Variants in PARD3B observed in about 807,000 individuals in gnomAD.
The protein encoded by PARD3B is par-3 family cell polarity regulator beta.
In PARD3B, 103 loss-of-function variants were observed where a neutral mutation model predicts 130.2. The ratio of observed to expected loss-of-function variants is 0.79; its 90% CI spans 0.67 to 0.93. PARD3B has a LOEUF of 0.93. Among genes scored for constraint, PARD3B ranks in the 40% least tolerant of loss-of-function variants. The pLI, the probability that PARD3B is intolerant of heterozygous loss-of-function variation, is 0.00. For missense variants in PARD3B, 1,609 were observed against 1,499.2 expected (o/e 1.07, Z -1.21); for synonymous variants, 583 against 553.2 (o/e 1.05, Z -0.76).
At chr2:204,681,470 A>C in intron 1 of PARD3B, among the ~76,000 whole-genome samples, 1 of 152,170 alleles carries the variant, frequency 6.6e-6, no homozygotes, top group African/African-American at 2.4e-5. Context: ...TTCTTCTACT[A>C]GGCTTTTCTC....
intron 19 of PARD3B, among the ~76,000 whole-genome samples, chr2:205,425,156 T>A (rs1417580319): frequency 1.3e-5 from 2 of 152,182 alleles, no homozygotes; most frequent in Non-Finnish European, 2.9e-5. Flanking sequence ...AGGATTGTTA[T>A]AAAGGAATTA....
At chr2:204,651,848 G>A (rs559971302) in intron 1 of PARD3B, among the ~76,000 whole-genome samples, 2 of 152,286 alleles carry the variant, frequency 1.3e-5, no homozygotes, top group South Asian at 4.1e-4. Flanking sequence ...CACACCCACA[G>A]GCCAAACACC....
At chr2:205,508,425 A>G (rs182714327) in intron 21 of PARD3B, among the ~76,000 whole-genome samples, 1 of 152,102 alleles carries the variant, frequency 6.6e-6, no homozygotes, top group Non-Finnish European at 1.5e-5. Context: ...TACCAAAATT[A>G]TGGGGGTGTG....
intron 2 of PARD3B, among the ~76,000 whole-genome samples, chr2:204,723,023 G>A (rs2039066334): frequency 1.3e-5 from 2 of 152,162 alleles, no homozygotes. Context: ...TCTGGGAGGT[G>A]ATTGGTTGAT....
At chr2:204,960,574 A>C (rs148400378) in intron 2 of PARD3B, among the ~76,000 whole-genome samples, 324 of 152,292 alleles carry the variant, frequency 2.1e-3, no homozygotes, top group African/African-American at 7.5e-3. Flanking sequence ...AAATATTTGA[A>C]TGTTTATTCT....
chr2:205,343,223 A>T (rs1369698100), intron 18 of PARD3B, among the ~76,000 whole-genome samples: 1 of 152,174 alleles, frequency 6.6e-6, no homozygotes, highest in African/African-American at 2.4e-5. Context: ...GTTCCCATCA[A>T]ATATCTCCTA....
At chr2:205,295,957 C>T (rs1467534064) in intron 16 of PARD3B, among the ~76,000 whole-genome samples, 2 of 152,062 alleles carry the variant, frequency 1.3e-5, no homozygotes, top group African/African-American at 4.8e-5. Flanking sequence ...GGAGTTGTTT[C>T]CCTTTTTGAA....
At chr2:204,771,047 GTAAGAATTGTAGA>G (rs2041352097) in intron 2 of PARD3B, among the ~76,000 whole-genome samples, 1 of 152,014 alleles carries the variant, frequency 6.6e-6, no homozygotes, top group Admixed American at 6.6e-5. Context: ...CTGGTGTTAG[GTAAGAATTGTAGA>G]TAAGAATAGC....
intron 4 of PARD3B, among the ~76,000 whole-genome samples, chr2:205,051,636 G>A (rs1261421084): frequency 6.6e-6 from 1 of 152,198 alleles, no homozygotes. Flanking sequence ...GCCCAGAGAT[G>A]TGTGTTTTTC....
At chr2:205,155,469 T>C (rs1377746703) in intron 10 of PARD3B, among the ~76,000 whole-genome samples, 1 of 152,148 alleles carries the variant, frequency 6.6e-6, no homozygotes, top group Non-Finnish European at 1.5e-5. Flanking sequence ...CAGTAATACC[T>C]GGATGCTAAA....
In PARD3B at chr2:205,288,653, A is replaced by G. The variant is rs867950012; in HGVS notation, c.2186-11877A>G. Among the ~76,000 whole-genome samples the G allele has an allele frequency of 7.6e-4, 116 of 151,980 alleles. 5 individuals carry two copies. The Middle Eastern group carries it at 0.014, about 18-fold the overall frequency. On this transcript the variant is annotated intron_variant, in intron 16 of 22. Coordinates refer to ENST00000406610, the MANE Select transcript of PARD3B (RefSeq NM_001302769.2). This position sits in a 1 kb window ranked among gnomAD's most constrained non-coding sequence, Gnocchi z 4.0. Reference sequence around the variant, plus strand: ...TGTTTATTTCCCACCAATCTCTACCACATTGTTTTTTGTTACTAGTCACTC... The same window carrying G: ...TGTTTATTTCCCACCAATCTCTACCGCATTGTTTTTTGTTACTAGTCACTC...
intron 18 of PARD3B, among the ~76,000 whole-genome samples, chr2:205,344,048 G>A (rs943163588): frequency 6.6e-6 from 1 of 152,102 alleles, no homozygotes; most frequent in Admixed American, 6.5e-5. Context: ...TAGGGGGTTA[G>A]GGAAAGAACA....
At chr2:204,605,807 A>C (rs187453070) in intron 1 of PARD3B, among the ~76,000 whole-genome samples, 1 of 152,284 alleles carries the variant, frequency 6.6e-6, no homozygotes, top group East Asian at 1.9e-4. Flanking sequence ...CTGGGACAGT[A>C]ATGGTTGTTT....
intron 2 of PARD3B, among the ~76,000 whole-genome samples, chr2:204,902,526 G>C (rs548266531): frequency 6.6e-6 from 1 of 152,064 alleles, no homozygotes; most frequent in South Asian, 2.1e-4. Context: ...AACATTAGCC[G>C]GGCGTGGTGG....
At chr2:205,359,047 A>G (rs1000347819) in intron 18 of PARD3B, among the ~76,000 whole-genome samples, 1 of 152,204 alleles carries the variant, frequency 6.6e-6, no homozygotes, top group Non-Finnish European at 1.5e-5. Flanking sequence ...TTTTGAAGGT[A>G]GCTCTTGAAA....
chr2:204,607,469 T>C (rs2033766864), intron 1 of PARD3B, among the ~76,000 whole-genome samples: 1 of 152,176 alleles, frequency 6.6e-6, no homozygotes, highest in Non-Finnish European at 1.5e-5. Flanking sequence ...ATATGTTAGC[T>C]GAGTAAGGCT....
intron 18 of PARD3B, among the ~76,000 whole-genome samples, chr2:205,316,128 T>G (rs13388509): frequency 0.022 from 3,348 of 152,268 alleles, 139 homozygotes; most frequent in African/African-American, 0.075. Flanking sequence ...TTGTGCCCCT[T>G]TAGTCATTCT....
chr2:205,469,258 C>T (rs920979080), intron 20 of PARD3B, among the ~76,000 whole-genome samples: 5 of 152,122 alleles, frequency 3.3e-5, no homozygotes, highest in Admixed American at 2.0e-4. Context: ...CAAGGTGACA[C>T]GAGCTTATTG....
intron 18 of PARD3B, among the ~76,000 whole-genome samples, chr2:205,357,369 G>A (rs906715750): frequency 5.3e-5 from 8 of 152,144 alleles, no homozygotes; most frequent in Non-Finnish European, 1.2e-4. Flanking sequence ...TTCCTGAGTT[G>A]AATTATATTT....
Sources: gnomAD v4.1 joint callset for allele counts (sites outside exome capture counted in the v4.1 genomes callset) on GRCh38, gnomAD v4.1.1 for gene constraint, Gnocchi (gnomAD v3.1) non-coding constraint, MANE v1.5 for transcripts, NCBI Gene and HGNC (gene_info 2026-07-23, HGNC 2026-07-21) for gene names.